The following RNF146 variants were observed in gnomAD, a reference collection of about 807,000 sequenced individuals.
The protein encoded by RNF146 is E3 ubiquitin-protein ligase RNF146.
Under a neutral mutation model 29.7 loss-of-function variants are expected in RNF146, and 11 were observed. The ratio of observed to expected loss-of-function variants is 0.37; its 90% CI spans 0.23 to 0.61. The LOEUF (loss-of-function observed/expected upper bound fraction) is 0.61, where lower values mean the gene tolerates loss of function less well. Ranked by LOEUF, RNF146 falls within the 20% of genes least tolerant of loss-of-function variation. RNF146 has a pLI of 0.66. For missense variants in RNF146, 342 were observed against 438.9 expected, an observed-to-expected ratio of 0.78 and a Z score of 1.97; for synonymous variants, 150 against 159.7, an observed-to-expected ratio of 0.94 and a Z score of 0.46.
intron 2 of RNF146, 172 bp downstream of exon 2, chr6:127,280,512 G>A (rs1778788061): frequency 1.6e-6 from 2 of 1,264,770 alleles, no homozygotes; most frequent in Non-Finnish European, 2.0e-6. Context: ...TATCGTTAAT[G>A]TAGATTTCCA....
At chr6:127,277,980 AAT>A (rs1778455673) in intron 1 of RNF146, among the ~76,000 whole-genome samples, 1 of 152,080 alleles carries the variant, frequency 6.6e-6, no homozygotes, top group Admixed American at 6.6e-5. Context: ...TGGCATTAAG[AAT>A]ATGTTTCTTT....
At position 127,287,672 on chromosome 6, in the gene RNF146, G is replaced by C. The variant is rs1189590961; in HGVS notation, c.1059G>C (p.Gln353His). Reference sequence around the variant, plus strand: ...TCAGATCTAGAAGGCCTGATGGACAGTGCACAGTAACTGAAGTTTAAATAA... The same window carrying C: ...TCAGATCTAGAAGGCCTGATGGACACTGCACAGTAACTGAAGTTTAAATAA... ...VSVRSRRPDG[Q>H]CTVTEV Residue 353 changes from glutamine (Q) to histidine (H), a missense_variant, in exon 3 of 3, where the codon CAG becomes CAC. Physicochemically the swap from Gln to His is conservative, Grantham distance 24. This residue lies in a region of RNF146 where 196 missense variants were observed against 208.9 expected (regional missense o/e 0.94). Transcript: ENST00000368314. 1.3e-6 allele frequency: 2 copies of C among 1,576,922 alleles called. No homozygotes were observed. The highest frequency in any genetic ancestry group is 3.4e-4 in the Middle Eastern group (2 of 5,862).
rs1779511064 is a variant in RNF146 at position 127,286,377 on chromosome 6, A to C, written c.3-239A>C. ...TCTTCAGTGTGTTTCTCCAGGGCTGATCTGTTAAGTGCACTGATGGAATTT... is the reference window on the plus strand; with the variant it reads ...TCTTCAGTGTGTTTCTCCAGGGCTGCTCTGTTAAGTGCACTGATGGAATTT... On this transcript the variant is annotated intron_variant, in intron 2 of 2. Transcript: ENST00000368314. This position sits in a 1 kb window ranked among gnomAD's most constrained non-coding sequence, Gnocchi z 4.6. 1.6e-6 allele frequency: 1 copy of C among 618,020 alleles called. No homozygotes were observed. The highest frequency in any genetic ancestry group is 1.9e-5 in the African/African-American group (1 of 53,036). 38.3% of individuals were successfully genotyped at this position (618,020 alleles called of 1,614,324 possible).
intron 1 of RNF146, among the ~76,000 whole-genome samples, chr6:127,268,881 T>A (rs938421636): frequency 6.6e-6 from 1 of 152,174 alleles, no homozygotes; most frequent in Non-Finnish European, 1.5e-5. Flanking sequence ...CAAAACGATA[T>A]TTTGAGTCAA....
chr6:127,277,736 G>C (rs1778420024), intron 1 of RNF146, among the ~76,000 whole-genome samples: 1 of 151,994 alleles, frequency 6.6e-6, no homozygotes, highest in African/African-American at 2.4e-5. Flanking sequence ...GTGCCCACCA[G>C]ATTAAGGGTG....
chr6:127,274,302 A>G (rs1017912114), intron 1 of RNF146, among the ~76,000 whole-genome samples: 5 of 152,152 alleles, frequency 3.3e-5, no homozygotes, highest in Admixed American at 3.3e-4. Flanking sequence ...GGGTGTTCAA[A>G]TATGGGTTCT....
intron 1 of RNF146, among the ~76,000 whole-genome samples, chr6:127,273,489 TC>T (rs1328030809): frequency 4.6e-5 from 7 of 152,152 alleles, no homozygotes; most frequent in Admixed American, 3.9e-4. Context: ...CCTAATTTTT[TC>T]TTTTCCTTTT....
intron 1 of RNF146, among the ~76,000 whole-genome samples, chr6:127,275,693 G>A (rs1294913125): frequency 1.3e-5 from 2 of 152,086 alleles, no homozygotes; most frequent in African/African-American, 4.8e-5. Context: ...TCTGGAGGTA[G>A]TCAGAGAAAA....
upstream of RNF146, chr6:127,266,733 G>T (rs1026443776): frequency 3.3e-5 from 5 of 152,196 alleles, no homozygotes; most frequent in African/African-American, 1.2e-4. Flanking sequence ...GGCAGACAGC[G>T]GCGCGAGACA....
intron 2 of RNF146, among the ~76,000 whole-genome samples, chr6:127,283,262 A>G (rs1779130143): frequency 6.6e-6 from 1 of 151,836 alleles, no homozygotes; most frequent in Non-Finnish European, 1.5e-5. Context: ...TAAATGATGT[A>G]TTATACTTAT....
At chr6:127,275,857 A>G (rs767781185) in intron 1 of RNF146, among the ~76,000 whole-genome samples, 5 of 152,124 alleles carry the variant, frequency 3.3e-5, no homozygotes, top group African/African-American at 1.2e-4. Context: ...TAGATTATTA[A>G]TCTATGGGTG....
At chr6:127,269,012 G>T (rs1777065385) in intron 1 of RNF146, among the ~76,000 whole-genome samples, 1 of 152,134 alleles carries the variant, frequency 6.6e-6, no homozygotes, top group Admixed American at 6.5e-5. Context: ...TTGGGAATTC[G>T]AATGCGTATT....
intron 1 of RNF146, among the ~76,000 whole-genome samples, chr6:127,276,042 T>G (rs1396717672): frequency 6.6e-6 from 1 of 151,978 alleles, no homozygotes; most frequent in Non-Finnish European, 1.5e-5. Context: ...CAGTCAGTCC[T>G]AGCTACTTGG....
At chr6:127,278,756 C>G (rs1056262346) in intron 1 of RNF146, among the ~76,000 whole-genome samples, 1 of 151,988 alleles carries the variant, frequency 6.6e-6, no homozygotes, top group Non-Finnish European at 1.5e-5. Flanking sequence ...CACCCTTTTA[C>G]CTTCCTACCA....
chr6:127,268,056 G>GAGAGAAA (rs1776918368), intron 1 of RNF146, among the ~76,000 whole-genome samples: 1 of 147,788 alleles, frequency 6.8e-6, no homozygotes, highest in East Asian at 2.2e-4. Context: ...TGCCATTTTA[G>GAGAGAAA]TGAGCACTTA....
rs79547276 is a variant in RNF146 at position 127,267,532 on chromosome 6, G to T, written c.-109+607G>T. On this transcript the variant is annotated intron_variant, in intron 1 of 2. Transcript: ENST00000368314. ...GGTCAGATCGAAGCCAGGGCGTACA[G>T]TCTGCATTTTTGCCTTTTCCCGGAG... Among the ~76,000 whole-genome samples the T allele has an allele frequency of 5.2e-4, 79 of 152,296 alleles. 2 individuals are homozygous for T. In the East Asian group the frequency reaches 0.015, roughly 28 times the overall value.
At chr6:127,279,242 T>C (rs1778635436) in intron 1 of RNF146, among the ~76,000 whole-genome samples, 1 of 151,916 alleles carries the variant, frequency 6.6e-6, no homozygotes, top group African/African-American at 2.4e-5. Flanking sequence ...TTAAGAGTTT[T>C]ATGGTTTTAT....
chr6:127,267,383 C>T (rs1316498803), intron 1 of RNF146, among the ~76,000 whole-genome samples: 1 of 152,180 alleles, frequency 6.6e-6, no homozygotes, highest in Non-Finnish European at 1.5e-5. Flanking sequence ...CTCCTCCCCT[C>T]TGGGCCGTGG....
chr6:127,269,684 A>G (rs12192111), intron 1 of RNF146, among the ~76,000 whole-genome samples: 25,816 of 152,096 alleles, frequency 0.17, 2,352 homozygotes, highest in Non-Finnish European at 0.18. Context: ...AGGGCTAAAA[A>G]TTGAGACATT....
Sources: gnomAD v4.1 joint callset for allele counts (sites outside exome capture counted in the v4.1 genomes callset) on GRCh38, gnomAD v4.1.1 for gene constraint, gnomAD v4.1.1 regional missense constraint, Gnocchi (gnomAD v3.1) non-coding constraint, MANE v1.5 for transcripts, NCBI Gene and HGNC (gene_info 2026-07-23, HGNC 2026-07-21) for gene names.